The following FRMD4A variants were observed in gnomAD, a reference collection of about 807,000 sequenced individuals.
The protein encoded by FRMD4A is FERM domain containing 4A.
FRMD4A carries 29 observed loss-of-function variants against 129.1 expected under a neutral mutation model. That is an observed-to-expected ratio of 0.22 (90% CI 0.17 to 0.31). The LOEUF (loss-of-function observed/expected upper bound fraction) is 0.31, where lower values mean the gene tolerates loss of function less well. FRMD4A is among the 10% of genes least tolerant of loss of function. FRMD4A has a pLI of 1.00. For missense variants in FRMD4A, 1,272 were observed against 1,375.8 expected (o/e 0.92, Z 1.19); for synonymous variants, 634 against 571.6 (o/e 1.11, Z -1.56).
rs186525016 is a variant in FRMD4A at position 14,185,697 on chromosome 10, A to G, written c.45+144361T>C. 5.0e-3 allele frequency among the ~76,000 whole-genome samples: 758 copies of G among 152,308 alleles called. 2 individuals carry two copies. The highest frequency in any genetic ancestry group is 8.4e-3 in the Non-Finnish European group (572 of 68,024). On this transcript the variant is annotated intron_variant, in intron 2 of 24. Coordinates refer to ENST00000357447, the MANE Select transcript of FRMD4A (RefSeq NM_018027.5). ...GCAGAAGAGAGGATAGCAGCAGCTCAACAGTGGCACCTTCAGTAGTTCTAG... is the reference window on the plus strand; with the variant it reads ...GCAGAAGAGAGGATAGCAGCAGCTCGACAGTGGCACCTTCAGTAGTTCTAG...
chr10:14,077,507 C>T (rs966356026), intron 2 of FRMD4A, among the ~76,000 whole-genome samples: 2 of 152,106 alleles, frequency 1.3e-5, no homozygotes, highest in African/African-American at 4.8e-5. Context: ...GAAACTGTGC[C>T]ATAACTCTTT....
intron 2 of FRMD4A, among the ~76,000 whole-genome samples, chr10:14,284,651 TCAAA>T (rs1009482968): frequency 7.9e-5 from 12 of 152,136 alleles, no homozygotes; most frequent in African/African-American, 2.7e-4. Flanking sequence ...AAACTCCGTC[TCAAA>T]CAAACAAACA....
chr10:13,852,328 C>T (rs1342673217), intron 3 of FRMD4A, among the ~76,000 whole-genome samples: 1 of 151,776 alleles, frequency 6.6e-6, no homozygotes, highest in Non-Finnish European at 1.5e-5. Context: ...ACTGCAACTT[C>T]CACCTCCCAG....
In FRMD4A at chr10:13,810,857, G is replaced by C. The variant is rs1480418145; in HGVS notation, c.163C>G (p.Leu55Val). The C allele has an allele frequency of 6.2e-7, 1 of 1,605,056 alleles. No homozygotes were observed. ...LLDLVASHFN[L>V]KEKEYFGIAF... is the part of the protein sequence containing the mutation. ...ATTCCAAAGTACTCCTTTTCCTTCA[G>C]ATTGAAGTGAGAAGCCACAAGGTCA... Residue 55 changes from leucine (L) to valine (V), a missense_variant, in exon 4 of 25, where the codon CTG (leucine) becomes GTG (valine). Leu to Val is a conservative substitution (Grantham distance 32, BLOSUM62 1). Coordinates refer to ENST00000357447, the MANE Select transcript of FRMD4A (RefSeq NM_018027.5).
intron 2 of FRMD4A, among the ~76,000 whole-genome samples, chr10:14,182,355 C>T (rs1841940476): frequency 6.6e-6 from 1 of 152,134 alleles, no homozygotes; most frequent in African/African-American, 2.4e-5. Context: ...GCTTGGGTAA[C>T]ATAAGAAGAC....
intron 2 of FRMD4A, among the ~76,000 whole-genome samples, chr10:13,989,643 T>C (rs993769645): frequency 6.6e-6 from 1 of 152,090 alleles, no homozygotes. Context: ...TGATTTTAAA[T>C]AAGAATACAT....
intron 23 of FRMD4A, 92 bp from the exon 24 acceptor site, chr10:13,652,066 A>T: frequency 1.3e-6 from 1 of 785,036 alleles, no homozygotes; most frequent in South Asian, 1.4e-5. Context: ...TAGCTTATTA[A>T]TATATCCGAA....
intron 4 of FRMD4A, among the ~76,000 whole-genome samples, chr10:13,808,989 G>A (rs1044211135): frequency 6.6e-6 from 1 of 152,282 alleles, no homozygotes; most frequent in East Asian, 1.9e-4. Context: ...ACACACGCAC[G>A]CACACACGCA....
At position 13,654,290 on chromosome 10, in the gene FRMD4A, G is replaced by T. The variant is rs2081945471; in HGVS notation, c.3050+126C>A. 4.1e-6 allele frequency: 3 copies of T among 731,804 alleles called. No homozygotes were observed. In the African/African-American group the frequency reaches 5.2e-5, roughly 13 times the overall value. 45.3% of individuals were successfully genotyped at this position (731,804 alleles called of 1,614,324 possible). Reference sequence around the variant, plus strand: ...GCAGATCATGGGGCTTCTCTTGAAAGGAAGACACCTCCCAGTGATGAACCC... The same window carrying T: ...GCAGATCATGGGGCTTCTCTTGAAATGAAGACACCTCCCAGTGATGAACCC... On this transcript the variant is annotated intron_variant, in intron 23 of 24. Transcript: ENST00000357447.
In FRMD4A at chr10:13,749,144, C is replaced by T. The variant is rs546389830; in HGVS notation, c.465-1325G>A. 5.2e-4 allele frequency among the ~76,000 whole-genome samples: 79 copies of T among 152,262 alleles called. 1 individual carries two copies. The highest frequency in any genetic ancestry group is 3.1e-3 in the Admixed American group (47 of 15,304). On this transcript the variant is annotated intron_variant, in intron 8 of 24. Transcript: ENST00000357447. The stretch of plus-strand genomic sequence containing the variant: ...TGGGACAGTTTTGATACTGAAAGAG[C>T]GTTTCCCTATCCTGGTCCACCAAAG...
intron 15 of FRMD4A, among the ~76,000 whole-genome samples, chr10:13,678,816 C>T (rs1163252482): frequency 1.3e-5 from 2 of 152,110 alleles, no homozygotes; most frequent in African/African-American, 2.4e-5. Context: ...ATGGGGTGCA[C>T]ATTGATGTTT....
intron 2 of FRMD4A, among the ~76,000 whole-genome samples, chr10:13,954,172 G>A (rs1245868810): frequency 1.3e-5 from 2 of 152,158 alleles, no homozygotes; most frequent in Non-Finnish European, 2.9e-5. Flanking sequence ...ATAAACAAAA[G>A]GAGAGTCCCT....
chr10:14,008,204 G>GTGTGTA (rs2095669354), intron 2 of FRMD4A: 2 of 1,216,676 alleles, frequency 1.6e-6, no homozygotes, highest in Admixed American at 4.7e-5. Context: ...GTGTGTGTGT[G>GTGTGTA]TGTGTGTTCC....
intron 2 of FRMD4A, among the ~76,000 whole-genome samples, chr10:13,872,168 C>T (rs1475005645): frequency 1.3e-5 from 2 of 149,200 alleles, no homozygotes; most frequent in Non-Finnish European, 2.9e-5. Context: ...CTGCTCCCTG[C>T]TCCTATAGGA....
intron 15 of FRMD4A, among the ~76,000 whole-genome samples, chr10:13,683,868 CCTGA>C (rs971094121): frequency 2.0e-5 from 3 of 151,950 alleles, no homozygotes; most frequent in African/African-American, 7.2e-5. Flanking sequence ...CGCCACCATG[CCTGA>C]CTAATTTTTC....
At chr10:14,127,179 G>C (rs370134625) in intron 2 of FRMD4A, among the ~76,000 whole-genome samples, 12 of 152,198 alleles carry the variant, frequency 7.9e-5, no homozygotes, top group African/African-American at 2.9e-4. Context: ...TGAAATCAGG[G>C]AGGAAATTAG....
chr10:14,245,920 G>A (rs1456646753), intron 2 of FRMD4A, among the ~76,000 whole-genome samples: 2 of 152,298 alleles, frequency 1.3e-5, no homozygotes, highest in Middle Eastern at 3.4e-3. Flanking sequence ...AACCCTCGTT[G>A]GATGCTGAGG....
intron 2 of FRMD4A, among the ~76,000 whole-genome samples, chr10:14,133,464 G>T (rs1206241168): frequency 6.6e-6 from 1 of 152,162 alleles, no homozygotes; most frequent in Non-Finnish European, 1.5e-5. Context: ...ACCCTCTCTA[G>T]ATGCTTGGGC....
intron 23 of FRMD4A, chr10:13,652,843 C>T (rs1313014124): frequency 6.6e-6 from 1 of 152,196 alleles, no homozygotes; most frequent in Non-Finnish European, 1.5e-5. Flanking sequence ...TTTTGTGTTA[C>T]AGGTAAGCCC....
Sources: gnomAD v4.1 joint callset for allele counts (sites outside exome capture counted in the v4.1 genomes callset) on GRCh38, gnomAD v4.1.1 for gene constraint, MANE v1.5 for transcripts, NCBI Gene and HGNC (gene_info 2026-07-23, HGNC 2026-07-21) for gene names.